ASIC2: variants seen among roughly 807,000 people sequenced by gnomAD.
ASIC2 encodes acid-sensing ion channel 2.
ASIC2 carries 25 observed loss-of-function variants against 57.3 expected under a neutral mutation model. That is an observed-to-expected ratio of 0.44 (90% confidence interval 0.32 to 0.61). ASIC2 has a LOEUF of 0.61. ASIC2 is among the 20% of genes least tolerant of loss of function. ASIC2 has a pLI of 0.06. For synonymous variants in ASIC2, 319 were observed against 307.5 expected (o/e 1.04, Z -0.39); for missense variants, 641 against 738.1 (o/e 0.87, Z 1.52).
At position 33,954,166 on chromosome 17, in the gene ASIC2, CTG is replaced by C. The variant is rs575147496; in HGVS notation, c.555+201810_555+201811del. Among the ~76,000 whole-genome samples the C allele has an allele frequency of 5.0e-3, 764 of 152,328 alleles. 13 individuals carry two copies. The highest frequency in any genetic ancestry group is 0.017 in the African/African-American group (713 of 41,574). ...GGTTGGAACCCCAGGCTATCTGACA[CTG>C]TTGCCTACCCAGCATCTGTGGAGGT... is the stretch of plus-strand genomic sequence containing the variant. On this transcript the variant is annotated intron_variant, in intron 1 of 9. Transcript: ENST00000359872.
chr17:33,245,076 C>CATA (rs1193205347), intron 1 of ASIC2, among the ~76,000 whole-genome samples: 12 of 152,282 alleles, frequency 7.9e-5, no homozygotes, highest in African/African-American at 2.6e-4. Context: ...TAATATAGAT[C>CATA]ATAACATCAT....
chr17:34,065,115 T>C (rs1046459651), intron 1 of ASIC2, among the ~76,000 whole-genome samples: 2 of 152,156 alleles, frequency 1.3e-5, no homozygotes, highest in South Asian at 2.1e-4. Context: ...TGCAAAATCA[T>C]AGAACCAACC....
chr17:33,111,811 G>A, intron 2 of ASIC2, 106 bp downstream of exon 2: 2 of 1,447,794 alleles, frequency 1.4e-6, no homozygotes, highest in Non-Finnish European at 1.8e-6. Flanking sequence ...CCCCTTGCTG[G>A]AGAGCAGTCC....
chr17:33,269,687 CTG>C lies in ASIC2; in HGVS notation c.708+21719_708+21720del, dbSNP rs1567805301. ...CCTTCCTTCCTTCCCTCCCTCCCTCCTGCCTGCCTGCCTGCCTGCCTGCCTTT... is the reference window on the plus strand; with the variant it reads ...CCTTCCTTCCTTCCCTCCCTCCCTCCCCTGCCTGCCTGCCTGCCTGCCTTT... On this transcript the variant is annotated intron_variant, in intron 1 of 9. Coordinates refer to ENST00000225823, the MANE Select transcript of ASIC2 (RefSeq NM_183377.2). Among the ~76,000 whole-genome samples the C allele has an allele frequency of 3.5e-3, 221 of 63,804 alleles. 3 individuals carry two copies. The highest frequency in any genetic ancestry group is 9.4e-3 in the Middle Eastern group (1 of 106). 41.9% of individuals were successfully genotyped at this position (63,804 alleles called of 152,430 possible).
intron 1 of ASIC2, among the ~76,000 whole-genome samples, chr17:33,632,055 A>T (rs1906189952): frequency 6.6e-6 from 1 of 152,146 alleles, no homozygotes; most frequent in Non-Finnish European, 1.5e-5. Context: ...GGCTTGAGGG[A>T]CAGAACTGGG....
At position 33,291,986 on chromosome 17, in the gene ASIC2, C is replaced by G. The variant is rs1407941529; in HGVS notation, c.130G>C (p.Gly44Arg). 1 of 1,282,188 alleles carries G rather than the reference C, an allele frequency of 7.8e-7. No homozygotes were observed. The highest frequency in any genetic ancestry group is 9.8e-7 in the Non-Finnish European group (1 of 1,024,376). The allele number at this position is 1,282,188 out of a possible 1,614,324, so 79.4% of individuals were successfully genotyped here. A position where few individuals can be genotyped will look rare whatever the true frequency, so the allele number is the denominator to read the frequency against. ...AAGQPGGGRG[G>R]ERALQGPGVA... ...CCTGGCCCCTGCAGCGCCCGCTCGC[C>G]GCCTCTGCCGCCCCCGGGCTGCCCG... The change falls in exon 1 of 10, where the codon GGC becomes CGC. Residue 44 changes from glycine (G) to arginine (R), a missense_variant. Coordinates refer to ENST00000225823, the MANE Select transcript of ASIC2 (RefSeq NM_183377.2).
At chr17:34,055,874 T>G (rs1908747729) in intron 1 of ASIC2, among the ~76,000 whole-genome samples, 1 of 152,228 alleles carries the variant, frequency 6.6e-6, no homozygotes, top group Non-Finnish European at 1.5e-5. Context: ...TTTGTTATTC[T>G]TGGCTAAATA....
intron 1 of ASIC2, among the ~76,000 whole-genome samples, chr17:34,041,716 A>G (rs9909252): frequency 0.44 from 66,646 of 152,112 alleles, 15,647 homozygotes; most frequent in African/African-American, 0.62. Flanking sequence ...AGGTGCTGGC[A>G]AAGAAACAAA....
At chr17:33,723,032 T>C (rs977757843) in intron 1 of ASIC2, among the ~76,000 whole-genome samples, 3 of 152,122 alleles carry the variant, frequency 2.0e-5, no homozygotes, top group Non-Finnish European at 4.4e-5. Flanking sequence ...ATCTGCCAAT[T>C]TTATTAAGCA....
intron 1 of ASIC2, among the ~76,000 whole-genome samples, chr17:33,318,578 T>A (rs986908631): frequency 1.1e-4 from 17 of 152,172 alleles, no homozygotes; most frequent in African/African-American, 4.1e-4. Context: ...GAGCAACAGG[T>A]TTTGTTTCTC....
At chr17:33,606,517 T>G (rs1905235911) in intron 1 of ASIC2, among the ~76,000 whole-genome samples, 2 of 152,160 alleles carry the variant, frequency 1.3e-5, no homozygotes, top group African/African-American at 2.4e-5. Context: ...GGCTAAGTCT[T>G]TAAAGATGCC....
At chr17:33,265,023 AAAG>A (rs1356719902) in intron 1 of ASIC2, among the ~76,000 whole-genome samples, 2 of 152,256 alleles carry the variant, frequency 1.3e-5, no homozygotes, top group Non-Finnish European at 2.9e-5. Context: ...GGAGGAGAAT[AAAG>A]AAGGAGCTAA....
intron 1 of ASIC2, among the ~76,000 whole-genome samples, chr17:34,055,622 G>A (rs571944160): frequency 6.6e-6 from 1 of 152,118 alleles, no homozygotes; most frequent in South Asian, 2.1e-4. Context: ...TATTCTAAAA[G>A]CTCATATTCA....
At chr17:33,734,470 C>T (rs1253154030) in intron 1 of ASIC2, among the ~76,000 whole-genome samples, 2 of 152,182 alleles carry the variant, frequency 1.3e-5, no homozygotes, top group Admixed American at 6.5e-5. Flanking sequence ...TCCCACACCA[C>T]CCGCACTTCT....
intron 1 of ASIC2, among the ~76,000 whole-genome samples, chr17:34,097,808 T>TC (rs1910601426): frequency 6.6e-6 from 1 of 152,024 alleles, no homozygotes; most frequent in African/African-American, 2.4e-5. Flanking sequence ...CACTTTACCC[T>TC]CCCCCAAACT....
intron 1 of ASIC2, among the ~76,000 whole-genome samples, chr17:33,699,291 G>A (rs1422812945): frequency 6.6e-6 from 1 of 152,134 alleles, no homozygotes; most frequent in Non-Finnish European, 1.5e-5. Flanking sequence ...TCCTTAGCGT[G>A]GAGCTTCTGG....
chr17:33,834,688 T>C (rs1913219089), intron 1 of ASIC2: 1 of 152,246 alleles, frequency 6.6e-6, no homozygotes, highest in Non-Finnish European at 1.5e-5. Context: ...GAGACATTTG[T>C]ATGCTATTTT....
intron 1 of ASIC2, among the ~76,000 whole-genome samples, chr17:33,195,141 A>G (rs1338967373): frequency 6.6e-6 from 1 of 152,162 alleles, no homozygotes; most frequent in Non-Finnish European, 1.5e-5. Context: ...AATGGAAGGA[A>G]AATTTAAAAA....
chr17:33,784,960 A>G (rs139697759), intron 1 of ASIC2, among the ~76,000 whole-genome samples: 1,601 of 152,284 alleles, frequency 0.011, 29 homozygotes, highest in Admixed American at 0.042. Flanking sequence ...CAGATTCTAC[A>G]TATATTGTGT....
Sources: gnomAD v4.1 joint callset for allele counts (sites outside exome capture counted in the v4.1 genomes callset) on GRCh38, gnomAD v4.1.1 for gene constraint, MANE v1.5 for transcripts, NCBI Gene and HGNC (gene_info 2026-07-23, HGNC 2026-07-21) for gene names.